The following FHAD1 variants were observed in gnomAD, a reference collection of about 807,000 sequenced individuals.
FHAD1 encodes forkhead-associated domain-containing protein 1.
FHAD1 carries 146 observed loss-of-function variants against 191.3 expected under a neutral mutation model. The observed-to-expected ratio is 0.76, with a 90% confidence interval of 0.67 to 0.88. The LOEUF (loss-of-function observed/expected upper bound fraction) is 0.88. FHAD1 is among the 40% of genes least tolerant of loss of function. FHAD1 has a pLI of 0.00. For missense variants in FHAD1, 1,635 were observed against 1,785.8 expected, an observed-to-expected ratio of 0.92 and a Z score of 1.52; for synonymous variants, 616 against 672.3, an observed-to-expected ratio of 0.92 and a Z score of 1.29.
intron 3 of FHAD1, among the ~76,000 whole-genome samples, chr1:15,281,675 C>T (rs1290244932): frequency 6.7e-6 from 1 of 148,558 alleles, no homozygotes; most frequent in Non-Finnish European, 1.5e-5. Context: ...TCATAAAAAT[C>T]GCTTGAACCC....
In FHAD1 at chr1:15,328,312, C is replaced by T; in HGVS notation, c.1593C>T (p.Asn531=). The part of the protein sequence containing the change: ...IEKITQVTED[N]INFQQKKWTL... ...AAATTACCCAGGTCACTGAGGACAA[C>T]ATCAATTTTCAGCAGAAAAAGTGGA... Residue 531 remains asparagine (N), a synonymous_variant, in exon 13 of 34, where the codon AAC becomes AAT. Transcript: ENST00000688493. 1.3e-6 allele frequency: 2 copies of T among 1,527,822 alleles called. No individual in the cohort carries two copies. The highest frequency in any genetic ancestry group is 1.8e-6 in the Non-Finnish European group (2 of 1,136,266). The allele number at this position is 1,527,822 out of a possible 1,614,324, so 94.6% of individuals were successfully genotyped here. A position where few individuals can be genotyped will look rare whatever the true frequency, so the allele number is the denominator to read the frequency against.
chr1:15,240,140 T>C (rs1645186344), intron 1 of FHAD1, among the ~76,000 whole-genome samples: 1 of 152,232 alleles, frequency 6.6e-6, no homozygotes, highest in South Asian at 2.1e-4. Flanking sequence ...ATCTCTCTAT[T>C]GAGAGTCTAC....
Position 15,327,260 on chromosome 1 carries a change from C to T in FHAD1, c.1557+118C>T. 1.5e-6 allele frequency: 1 copy of T among 657,516 alleles called. No individual in the cohort carries two copies. The highest frequency in any genetic ancestry group is 2.7e-6 in the Non-Finnish European group (1 of 374,208). The allele number at this position is 657,516 out of a possible 1,614,324, so 40.7% of individuals were successfully genotyped here. On this transcript the variant is annotated intron_variant, in intron 12 of 33. Transcript: ENST00000688493. The surrounding 1 kb of genome is among the most constrained non-coding windows in gnomAD (Gnocchi z 5.1). ...GTTTTTGTTGGTGGCATATTTTTCA[C>T]ACTGTTGCTACACCATAAAGATTTG...
At chr1:15,253,448 G>T (rs1647036853) in intron 2 of FHAD1, among the ~76,000 whole-genome samples, 1 of 152,092 alleles carries the variant, frequency 6.6e-6, no homozygotes, top group Admixed American at 6.6e-5. Context: ...CCATGAAAAT[G>T]GTATGTTTCT....
At chr1:15,339,073 G>A (rs768806546) in intron 14 of FHAD1, among the ~76,000 whole-genome samples, 2 of 152,188 alleles carry the variant, frequency 1.3e-5, no homozygotes, top group African/African-American at 4.8e-5. Flanking sequence ...CGGGAATGCA[G>A]TGGCACAATC....
chr1:15,349,421 AG>A (rs1312232241), intron 19 of FHAD1, among the ~76,000 whole-genome samples: 1 of 152,204 alleles, frequency 6.6e-6, no homozygotes, highest in African/African-American at 2.4e-5. Flanking sequence ...TGCATCCTAG[AG>A]GGCCCTCGGG....
At chr1:15,277,255 T>A (rs1355527716) in intron 3 of FHAD1, among the ~76,000 whole-genome samples, 7 of 152,034 alleles carry the variant, frequency 4.6e-5, no homozygotes, top group Admixed American at 1.3e-4. Context: ...ACATAAAGAG[T>A]GCCCATATGC....
chr1:15,237,393 G>A (rs998072976), intron 1 of FHAD1, among the ~76,000 whole-genome samples: 10 of 152,010 alleles, frequency 6.6e-5, no homozygotes, highest in African/African-American at 2.4e-4. Context: ...CCTTCCTCCT[G>A]CAATGCCTTT....
chr1:15,305,801 TC>T, intron 6 of FHAD1: 2 of 444,960 alleles, frequency 4.5e-6, no homozygotes, highest in Non-Finnish European at 9.0e-6. Flanking sequence ...TTCTGAGGCC[TC>T]CCCGGCCATG....
At chr1:15,278,452 G>A (rs923709501) in intron 3 of FHAD1, among the ~76,000 whole-genome samples, 41 of 147,356 alleles carry the variant, frequency 2.8e-4, no homozygotes, top group Admixed American at 1.0e-3. Context: ...GGGAAAATAC[G>A]CTTTGAACAG....
Position 15,345,198 on chromosome 1 carries a change from G to A in FHAD1, c.2238+8G>A. ...CTGGCCCAGCAGAAGAAGGTATGTGGCTCAGGGAGACAGAGTCAGCTCGAG... is the reference window on the plus strand; with the variant it reads ...CTGGCCCAGCAGAAGAAGGTATGTGACTCAGGGAGACAGAGTCAGCTCGAG... On this transcript the variant is annotated splice_region_variant and intron_variant, in intron 17 of 33. Coordinates refer to ENST00000688493, the MANE Select transcript of FHAD1 (RefSeq NM_001391957.1). 3 of 1,548,576 alleles carry A rather than the reference G, an allele frequency of 1.9e-6. No individual in the cohort carries two copies. Among genetic ancestry groups the A allele is most frequent in the Non-Finnish European group, 2.6e-6 (3 of 1,144,256 alleles).
At chr1:15,341,332 T>C (rs1487863086) in intron 15 of FHAD1, among the ~76,000 whole-genome samples, 1 of 152,220 alleles carries the variant, frequency 6.6e-6, no homozygotes, top group Non-Finnish European at 1.5e-5. Flanking sequence ...ACACAGCTAA[T>C]GGGTGAAGAA....
chr1:15,362,847 T>A (rs1196000498), intron 23 of FHAD1, 121 bp downstream of exon 23: 2 of 736,916 alleles, frequency 2.7e-6, no homozygotes, highest in African/African-American at 3.5e-5. Context: ...GAGCCGGGCC[T>A]GCTGCCTTCC....
At chr1:15,349,452 G>A (rs1175666997) in intron 19 of FHAD1, among the ~76,000 whole-genome samples, 3 of 152,194 alleles carry the variant, frequency 2.0e-5, no homozygotes, top group Admixed American at 2.0e-4. Context: ...CTGCTCTCTG[G>A]TTCAGCTACC....
chr1:15,283,079 TC>T (rs1661161807), intron 3 of FHAD1, among the ~76,000 whole-genome samples: 1 of 152,236 alleles, frequency 6.6e-6, no homozygotes, highest in African/African-American at 2.4e-5. Flanking sequence ...CATATTCATA[TC>T]CACATTTAAT....
At chr1:15,262,603 C>T (rs569195296) in intron 2 of FHAD1, among the ~76,000 whole-genome samples, 1 of 152,344 alleles carries the variant, frequency 6.6e-6, no homozygotes, top group South Asian at 2.1e-4. Context: ...CATATGTTCT[C>T]AAGGTTCATC....
intron 16 of FHAD1, among the ~76,000 whole-genome samples, chr1:15,344,593 T>C (rs1641476961): frequency 6.6e-6 from 1 of 152,252 alleles, no homozygotes; most frequent in Admixed American, 6.5e-5. Flanking sequence ...AGATTTGGTC[T>C]GTAAGCCATA....
chr1:15,374,005 G>T (rs1476822155), intron 26 of FHAD1, among the ~76,000 whole-genome samples: 1 of 152,180 alleles, frequency 6.6e-6, no homozygotes, highest in Non-Finnish European at 1.5e-5. Context: ...GTTCCGTGGG[G>T]TTCCAGAAGC....
chr1:15,296,349 G>C (rs1666968500), intron 4 of FHAD1, among the ~76,000 whole-genome samples: 1 of 151,536 alleles, frequency 6.6e-6, no homozygotes, highest in African/African-American at 2.4e-5. Flanking sequence ...CGCCTCCCAG[G>C]TTCACGCCAT....
Sources: gnomAD v4.1 joint callset for allele counts (sites outside exome capture counted in the v4.1 genomes callset) on GRCh38, gnomAD v4.1.1 for gene constraint, Gnocchi (gnomAD v3.1) non-coding constraint, MANE v1.5 for transcripts, NCBI Gene and HGNC (gene_info 2026-07-23, HGNC 2026-07-21) for gene names.